CD86: variants seen among roughly 807,000 people sequenced by gnomAD.
CD86 encodes CD86 molecule.
Under a neutral mutation model 32.1 loss-of-function variants are expected in CD86, and 11 were observed. The ratio of observed to expected loss-of-function variants is 0.34; its 90% CI spans 0.22 to 0.57. CD86 has a LOEUF of 0.57. Among genes scored for constraint, CD86 ranks in the 20% least tolerant of loss-of-function variants. The pLI is 0.86. For synonymous variants in CD86, 137 were observed against 135.3 expected (o/e 1.01, Z -0.09); for missense variants, 359 against 398.4 (o/e 0.90, Z 0.84).
At chr3:122,115,791 C>A (rs2073241362) in intron 5 of CD86, among the ~76,000 whole-genome samples, 1 of 145,536 alleles carries the variant, frequency 6.9e-6, no homozygotes. Context: ...CTTAACCTAC[C>A]TAATTTCAAT....
At chr3:122,057,543 T>A (rs1469874386) in intron 1 of CD86, among the ~76,000 whole-genome samples, 1 of 152,260 alleles carries the variant, frequency 6.6e-6, no homozygotes, top group Non-Finnish European at 1.5e-5. Context: ...AGGTAGTTTG[T>A]ATTTTCTACT....
chr3:122,115,232 A>T (rs186509322), intron 5 of CD86, among the ~76,000 whole-genome samples: 739 of 152,344 alleles, frequency 4.9e-3, no homozygotes, highest in Non-Finnish European at 8.3e-3. Flanking sequence ...GCAATTGTAC[A>T]TTGAAAAAAA....
At chr3:122,117,756 T>G (rs2073276467) in intron 5 of CD86, among the ~76,000 whole-genome samples, 1 of 152,214 alleles carries the variant, frequency 6.6e-6, no homozygotes, top group Admixed American at 6.5e-5. Flanking sequence ...CTAAATATAT[T>G]ACCCCTCCCA....
At chr3:122,093,979 T>C (rs1351571976) in intron 2 of CD86, among the ~76,000 whole-genome samples, 1 of 152,216 alleles carries the variant, frequency 6.6e-6, no homozygotes, top group Non-Finnish European at 1.5e-5. Flanking sequence ...TGGTAAGACT[T>C]CTTCCATGGG....
intron 1 of CD86, among the ~76,000 whole-genome samples, chr3:122,086,255 T>C (rs2072717477): frequency 6.6e-6 from 1 of 152,210 alleles, no homozygotes; most frequent in South Asian, 2.1e-4. Context: ...CTCAGCATTT[T>C]TCCTGATACT....
intron 5 of CD86, among the ~76,000 whole-genome samples, chr3:122,112,045 T>C (rs1156404126): frequency 6.6e-6 from 1 of 152,218 alleles, no homozygotes; most frequent in African/African-American, 2.4e-5. Context: ...AGATAAGGCA[T>C]GAGAATTTAT....
At chr3:122,060,620 T>C (rs1205934647) in intron 1 of CD86, among the ~76,000 whole-genome samples, 1 of 151,810 alleles carries the variant, frequency 6.6e-6, no homozygotes, top group African/African-American at 2.4e-5. Flanking sequence ...AGACTCCCAT[T>C]CCTAAAAAAA....
rs1486411488 is a variant in CD86, at chr3:122,069,616, GTTTCC to G, written c.14+14114_14+14118del. Among the ~76,000 whole-genome samples, 229 of 152,270 alleles carry G rather than the reference GTTTCC, an allele frequency of 1.5e-3. 1 individual carries two copies. Among genetic ancestry groups the G allele is most frequent in the African/African-American group, 5.2e-3 (214 of 41,542 alleles). Reference sequence around the variant, plus strand: ...CATGGGGTGAGTTGTGAGCCCATCAGTTTCCCACACTACAGTCCTTCTCTGGCTTA... The same window carrying G: ...CATGGGGTGAGTTGTGAGCCCATCAGCACACTACAGTCCTTCTCTGGCTTA... On this transcript the variant is annotated intron_variant, in intron 1 of 6. Coordinates refer to ENST00000330540, the MANE Select transcript of CD86 (RefSeq NM_175862.5).
At chr3:122,092,478 A>G (rs146932891) in intron 2 of CD86, among the ~76,000 whole-genome samples, 138 of 152,292 alleles carry the variant, frequency 9.1e-4, no homozygotes, top group Admixed American at 2.1e-3. Context: ...TGAATTCTAC[A>G]TTCTTTTTCT....
intron 1 of CD86, among the ~76,000 whole-genome samples, chr3:122,059,693 T>C (rs1209335326): frequency 1.5e-4 from 23 of 152,158 alleles, no homozygotes; most frequent in Admixed American, 1.5e-3. Context: ...AGCGTTGAAT[T>C]GTGGCTCCCT....
chr3:122,118,464 G>T (rs2073291189), intron 6 of CD86, among the ~76,000 whole-genome samples: 1 of 152,236 alleles, frequency 6.6e-6, no homozygotes, highest in African/African-American at 2.4e-5. Flanking sequence ...AGTGGGGAAT[G>T]ATAACATGTT....
intron 2 of CD86, among the ~76,000 whole-genome samples, chr3:122,097,149 G>T (rs2072920441): frequency 6.6e-6 from 1 of 152,122 alleles, no homozygotes; most frequent in Non-Finnish European, 1.5e-5. Flanking sequence ...AATCAAATGG[G>T]CAAAAAGAAT....
chr3:122,101,513 A>AATATATATATATATATAT (rs58001956), intron 2 of CD86, among the ~76,000 whole-genome samples: 8 of 46,332 alleles, frequency 1.7e-4, no homozygotes, highest in East Asian at 5.8e-4. Context: ...AAAAAAAAAA[A>AATATATATATATATATAT]ATATATATAT....
intron 5 of CD86, among the ~76,000 whole-genome samples, chr3:122,116,140 G>A (rs1354689588): frequency 6.6e-6 from 1 of 152,144 alleles, no homozygotes; most frequent in Non-Finnish European, 1.5e-5. Context: ...ATCATAAAAA[G>A]ATAAAATGGA....
chr3:122,087,412 G>T (rs972372236), intron 1 of CD86, among the ~76,000 whole-genome samples: 1 of 152,056 alleles, frequency 6.6e-6, no homozygotes, highest in Admixed American at 6.5e-5. Flanking sequence ...GTGGTTGGAG[G>T]TTCATTCCTG....
At chr3:122,097,306 A>C (rs919957782) in intron 2 of CD86, among the ~76,000 whole-genome samples, 2 of 152,232 alleles carry the variant, frequency 1.3e-5, no homozygotes, top group Admixed American at 1.3e-4. Context: ...AAAGTGACAA[A>C]GCCCCTGCTG....
chr3:122,059,615 T>C (rs1162050519), intron 1 of CD86, among the ~76,000 whole-genome samples: 1 of 151,980 alleles, frequency 6.6e-6, no homozygotes, highest in African/African-American at 2.4e-5. Flanking sequence ...AAAGAGCATA[T>C]TTACCAAGCT....
intron 2 of CD86, among the ~76,000 whole-genome samples, chr3:122,096,867 T>TG (rs2072916428): frequency 6.6e-6 from 1 of 152,258 alleles, no homozygotes; most frequent in African/African-American, 2.4e-5. Context: ...ACCATTTAAC[T>TG]TATTTCCAGT....
At chr3:122,111,589 T>C (rs1420217069) in intron 5 of CD86, among the ~76,000 whole-genome samples, 1 of 152,210 alleles carries the variant, frequency 6.6e-6, no homozygotes, top group Non-Finnish European at 1.5e-5. Context: ...CATTTCTAGC[T>C]TTGAAGATGG....
Sources: allele counts gnomAD v4.1 joint callset (sites outside exome capture counted in the v4.1 genomes callset), GRCh38; gene constraint gnomAD v4.1.1; transcripts MANE v1.5; gene names NCBI Gene and HGNC (gene_info 2026-07-23, HGNC 2026-07-21).